The following CNTNAP2 variants were observed in gnomAD, a reference collection of about 807,000 sequenced individuals.
The protein encoded by CNTNAP2 is contactin-associated protein-like 2.
CNTNAP2 carries 98 observed loss-of-function variants against 155.2 expected under a neutral mutation model. The ratio of observed to expected loss-of-function variants is 0.63; its 90% CI spans 0.54 to 0.75. CNTNAP2 has a LOEUF of 0.75. CNTNAP2 is among the 30% of genes least tolerant of loss of function. The pLI is 0.00. For missense variants in CNTNAP2, 1,727 were observed against 1,688.1 expected (o/e 1.02, Z -0.40); for synonymous variants, 651 against 631.2 (o/e 1.03, Z -0.47).
chr7:147,869,002 G>A (rs1052271566), intron 13 of CNTNAP2, among the ~76,000 whole-genome samples: 25 of 152,294 alleles, frequency 1.6e-4, no homozygotes, highest in African/African-American at 5.1e-4. Flanking sequence ...GTCCCAGTGC[G>A]ATGAACCAGG....
intron 13 of CNTNAP2, among the ~76,000 whole-genome samples, chr7:147,839,939 T>TACACACACACACACAC (rs376480999): frequency 1.1e-3 from 168 of 149,852 alleles, no homozygotes; most frequent in Middle Eastern, 3.5e-3. Flanking sequence ...TATATATGTA[T>TACACACACACACACAC]ACACACACAC....
At chr7:146,720,135 T>G (rs1454756338) in intron 1 of CNTNAP2, among the ~76,000 whole-genome samples, 1 of 152,184 alleles carries the variant, frequency 6.6e-6, no homozygotes. Context: ...CAAAACTTTT[T>G]TTTTTCCAGT....
At chr7:146,855,527 A>C (rs754442678) in intron 3 of CNTNAP2, among the ~76,000 whole-genome samples, 7 of 152,092 alleles carry the variant, frequency 4.6e-5, no homozygotes, top group Non-Finnish European at 1.0e-4. Flanking sequence ...ATAAGTTGAC[A>C]TGGGGTGGAT....
intron 21 of CNTNAP2, among the ~76,000 whole-genome samples, chr7:148,329,243 G>C (rs377516435): frequency 5.9e-5 from 9 of 152,154 alleles, no homozygotes; most frequent in Non-Finnish European, 1.2e-4. Context: ...CGGCTAAAAA[G>C]TTAAACTCCA....
At chr7:146,428,132 T>C (rs1627558) in intron 1 of CNTNAP2, among the ~76,000 whole-genome samples, 5,408 of 152,276 alleles carry the variant, frequency 0.036, 341 homozygotes, top group African/African-American at 0.12. Context: ...TTTCTTTATC[T>C]ATTCTATCTT....
chr7:146,931,261 C>T (rs1796750174), intron 3 of CNTNAP2, among the ~76,000 whole-genome samples: 1 of 151,908 alleles, frequency 6.6e-6, no homozygotes, highest in African/African-American at 2.4e-5. Flanking sequence ...GCAATCAAAC[C>T]AGAAATCAGG....
intron 13 of CNTNAP2, among the ~76,000 whole-genome samples, chr7:147,664,533 G>A (rs578195021): frequency 4.6e-5 from 7 of 151,892 alleles, no homozygotes; most frequent in East Asian, 1.9e-4. Flanking sequence ...CCTTTTTTTC[G>A]CCTTCAAAAT....
chr7:148,009,334 T>C (rs1301530304), intron 15 of CNTNAP2, among the ~76,000 whole-genome samples: 1 of 152,218 alleles, frequency 6.6e-6, no homozygotes, highest in Non-Finnish European at 1.5e-5. Flanking sequence ...GTACTCAAAG[T>C]ACAGCGTCTA....
intron 13 of CNTNAP2, among the ~76,000 whole-genome samples, chr7:147,868,474 T>A (rs1350572391): frequency 1.3e-5 from 2 of 152,176 alleles, no homozygotes; most frequent in Admixed American, 1.3e-4. Context: ...GCTCAAACAC[T>A]GTGCTGGGAG....
intron 1 of CNTNAP2, among the ~76,000 whole-genome samples, chr7:146,770,481 T>C: frequency 6.6e-6 from 1 of 152,034 alleles, no homozygotes; most frequent in East Asian, 1.9e-4. Context: ...AATATGATTA[T>C]AGATTATGTT....
intron 1 of CNTNAP2, among the ~76,000 whole-genome samples, chr7:146,750,999 T>A (rs1801893790): frequency 6.6e-6 from 1 of 152,174 alleles, no homozygotes; most frequent in Non-Finnish European, 1.5e-5. Context: ...TGTTTTCTAA[T>A]AAGAGGATAA....
At chr7:147,364,132 G>A (rs1204134422) in intron 9 of CNTNAP2, among the ~76,000 whole-genome samples, 1 of 152,120 alleles carries the variant, frequency 6.6e-6, no homozygotes, top group African/African-American at 2.4e-5. Context: ...ATCATGTTGA[G>A]AGCTTACATT....
intron 8 of CNTNAP2, among the ~76,000 whole-genome samples, chr7:147,272,068 T>C (rs1012452175): frequency 1.3e-5 from 2 of 152,088 alleles, no homozygotes; most frequent in African/African-American, 4.8e-5. Flanking sequence ...AATTTTTATA[T>C]TTTTAGTAGA....
At chr7:147,039,010 A>G (rs1799210806) in intron 3 of CNTNAP2, among the ~76,000 whole-genome samples, 1 of 151,904 alleles carries the variant, frequency 6.6e-6, no homozygotes, top group South Asian at 2.1e-4. Flanking sequence ...AACAATACTG[A>G]CTTCCTTGCT....
intron 11 of CNTNAP2, among the ~76,000 whole-genome samples, chr7:147,518,131 G>C (rs1780416049): frequency 6.6e-6 from 1 of 152,236 alleles, no homozygotes; most frequent in African/African-American, 2.4e-5. Flanking sequence ...TTAAAATTAA[G>C]CATGAACAAT....
intron 1 of CNTNAP2, among the ~76,000 whole-genome samples, chr7:146,754,564 C>G (rs1001782272): frequency 2.0e-5 from 3 of 151,618 alleles, no homozygotes; most frequent in South Asian, 4.2e-4. Context: ...GTCTCTCTCT[C>G]TCTCTCTCTC....
intron 4 of CNTNAP2, among the ~76,000 whole-genome samples, chr7:147,078,611 T>C (rs1263464954): frequency 6.6e-6 from 1 of 152,114 alleles, no homozygotes; most frequent in Non-Finnish European, 1.5e-5. Flanking sequence ...GCAATCCAGA[T>C]AGGAACTATA....
chr7:147,668,928 C>A (rs966691353), intron 13 of CNTNAP2, among the ~76,000 whole-genome samples: 4 of 152,042 alleles, frequency 2.6e-5, no homozygotes, highest in Admixed American at 6.6e-5. Flanking sequence ...CTGCAAGCTC[C>A]ATTTTTGTTA....
chr7:147,028,556 G>A (rs1166718028), intron 3 of CNTNAP2, among the ~76,000 whole-genome samples: 1 of 152,156 alleles, frequency 6.6e-6, no homozygotes, highest in African/African-American at 2.4e-5. Flanking sequence ...GAGAAGATGG[G>A]ATTAAACAGC....
Sources: allele counts gnomAD v4.1 joint callset (sites outside exome capture counted in the v4.1 genomes callset), GRCh38; gene constraint gnomAD v4.1.1; transcripts MANE v1.5; gene names NCBI Gene and HGNC (gene_info 2026-07-23, HGNC 2026-07-21).